RAVER2: variants seen among roughly 807,000 people sequenced by gnomAD.
The protein encoded by RAVER2 is ribonucleoprotein, PTB binding 2, also known as ribonucleoprotein PTB-binding 2.
In RAVER2, 46 loss-of-function variants were observed where a neutral mutation model predicts 78.1. That is an observed-to-expected ratio of 0.59 (90% CI 0.46 to 0.75). The LOEUF (loss-of-function observed/expected upper bound fraction) is 0.75. Ranked by LOEUF, RAVER2 falls within the 30% of genes least tolerant of loss-of-function variation. The pLI is 0.00. For synonymous variants in RAVER2, 311 were observed against 313.3 expected, an observed-to-expected ratio of 0.99 and a Z score of 0.08; for missense variants, 793 against 837.5, an observed-to-expected ratio of 0.95 and a Z score of 0.66.
At chr1:64,784,181 C>T (rs1028222462) in intron 4 of RAVER2, among the ~76,000 whole-genome samples, 2 of 152,062 alleles carry the variant, frequency 1.3e-5, no homozygotes, top group African/African-American at 2.4e-5. Context: ...CCCAGGAACT[C>T]GAGACTAGTC....
At chr1:64,776,514 A>G (rs1278255374) in intron 2 of RAVER2, among the ~76,000 whole-genome samples, 1 of 152,246 alleles carries the variant, frequency 6.6e-6, no homozygotes, top group Admixed American at 6.5e-5. Context: ...AGAATTGCCC[A>G]TGCTACTTAA....
chr1:64,808,369 T>C (rs1267625716), intron 9 of RAVER2, among the ~76,000 whole-genome samples: 2 of 152,020 alleles, frequency 1.3e-5, no homozygotes, highest in African/African-American at 4.8e-5. Context: ...AATACTGAAT[T>C]TGTAAGAGGT....
At chr1:64,754,042 T>TATA (rs1651780792) in intron 1 of RAVER2, among the ~76,000 whole-genome samples, 1 of 152,182 alleles carries the variant, frequency 6.6e-6, no homozygotes, top group Non-Finnish European at 1.5e-5. Context: ...TCTGGATGTC[T>TATA]ATAATAATAA....
rs146541533 is a variant in RAVER2 at position 64,827,210 on chromosome 1, G to A, written c.1930-3629G>A. On this transcript the variant is annotated intron_variant, in intron 11 of 11. Coordinates refer to ENST00000294428, the Ensembl canonical transcript of RAVER2. ...CTGTGCGTCTTAAGATTTCTCTTTC[G>A]ATTTTGTTTTCTTGGTGAAATAGAA... is the stretch of plus-strand genomic sequence containing the variant. 2.2e-4 allele frequency among the ~76,000 whole-genome samples: 34 copies of A among 152,268 alleles called. 1 individual carries two copies. Among genetic ancestry groups the A allele is most frequent in the African/African-American group, 7.9e-4 (33 of 41,536 alleles).
intron 1 of RAVER2, among the ~76,000 whole-genome samples, chr1:64,755,444 G>A (rs930895549): frequency 9.9e-5 from 15 of 152,028 alleles, no homozygotes; most frequent in African/African-American, 3.6e-4. Context: ...GCCAAAAATA[G>A]CATTAGATTC....
chr1:64,820,469 A>G (rs1570583610), intron 11 of RAVER2, among the ~76,000 whole-genome samples: 1 of 152,316 alleles, frequency 6.6e-6, no homozygotes, highest in African/African-American at 2.4e-5. Flanking sequence ...ATAAGTAAAC[A>G]CATGTCACAG....
chr1:64,822,416 T>C (rs1283832815), intron 11 of RAVER2, among the ~76,000 whole-genome samples: 1 of 152,232 alleles, frequency 6.6e-6, no homozygotes, highest in African/African-American at 2.4e-5. Context: ...AAAAATTTAC[T>C]ACAGCACAGC....
intron 1 of RAVER2, among the ~76,000 whole-genome samples, chr1:64,753,823 C>G (rs796121150): frequency 3.4e-4 from 51 of 152,182 alleles, no homozygotes; most frequent in African/African-American, 1.2e-3. Flanking sequence ...TGCCCGGCCT[C>G]TCATTTTTAA....
At chr1:64,748,656 T>A (rs919929777) in intron 1 of RAVER2, among the ~76,000 whole-genome samples, 1 of 152,262 alleles carries the variant, frequency 6.6e-6, no homozygotes, top group Non-Finnish European at 1.5e-5. Flanking sequence ...CAATTTTTTT[T>A]CATAAACTTG....
At chr1:64,755,350 T>C (rs552008121) in intron 1 of RAVER2, among the ~76,000 whole-genome samples, 9 of 152,338 alleles carry the variant, frequency 5.9e-5, no homozygotes, top group African/African-American at 1.9e-4. Context: ...TTTAGGTTTG[T>C]AAACTTATTT....
At chr1:64,822,343 A>C (rs1362192427) in intron 11 of RAVER2, among the ~76,000 whole-genome samples, 2 of 152,222 alleles carry the variant, frequency 1.3e-5, no homozygotes, top group Non-Finnish European at 2.9e-5. Context: ...ATCAATAAAG[A>C]GAGAGAAATT....
At chr1:64,818,888 T>G (rs944027138) in intron 11 of RAVER2, among the ~76,000 whole-genome samples, 7 of 152,268 alleles carry the variant, frequency 4.6e-5, no homozygotes, top group Middle Eastern at 3.4e-3. Context: ...TAAACTGTGT[T>G]TGTCTGAGGA....
chr1:64,770,417 T>G (rs1440814648), intron 2 of RAVER2, among the ~76,000 whole-genome samples: 5 of 151,926 alleles, frequency 3.3e-5, no homozygotes, highest in Admixed American at 3.3e-4. Flanking sequence ...TAACAAAACT[T>G]AAAAACAAGA....
At chr1:64,771,769 T>TA (rs1461644607) in intron 2 of RAVER2, among the ~76,000 whole-genome samples, 3 of 152,146 alleles carry the variant, frequency 2.0e-5, no homozygotes, top group African/African-American at 4.8e-5. Flanking sequence ...AATCACCTGT[T>TA]AAAATCACAC....
chr1:64,757,356 G>A (rs1474695718), intron 1 of RAVER2, among the ~76,000 whole-genome samples: 1 of 152,196 alleles, frequency 6.6e-6, no homozygotes, highest in Admixed American at 6.5e-5. Flanking sequence ...CACTAAGGAA[G>A]TAATTAAGAT....
intron 4 of RAVER2, among the ~76,000 whole-genome samples, chr1:64,787,829 T>A (rs903510765): frequency 6.6e-6 from 1 of 152,200 alleles, no homozygotes; most frequent in Non-Finnish European, 1.5e-5. Context: ...TGTGGACCCA[T>A]GCACTCTCAT....
chr1:64,813,135 A>G (rs1653665958), intron 10 of RAVER2, among the ~76,000 whole-genome samples: 1 of 152,176 alleles, frequency 6.6e-6, no homozygotes, highest in Non-Finnish European at 1.5e-5. Flanking sequence ...CCCAGAATGT[A>G]TGAGCTACCA....
exon 5 of RAVER2, chr1:64,789,431 T>A (rs767790974): frequency 6.2e-7 from 1 of 1,609,920 alleles, no homozygotes; most frequent in East Asian, 2.2e-5. Context: ...CCAAATCCAG[T>A]ACAAATTATG....
chr1:64,760,845 G>T (rs916658041), intron 1 of RAVER2, among the ~76,000 whole-genome samples: 1 of 152,174 alleles, frequency 6.6e-6, no homozygotes, highest in Non-Finnish European at 1.5e-5. Flanking sequence ...TTAGGAATGT[G>T]ATGGGAATGA....
Sources: allele counts gnomAD v4.1 joint callset (sites outside exome capture counted in the v4.1 genomes callset), GRCh38; gene constraint gnomAD v4.1.1; transcripts MANE v1.5; gene names NCBI Gene and HGNC (gene_info 2026-07-23, HGNC 2026-07-21).